The following IL16 variants were observed in gnomAD, a reference collection of about 807,000 sequenced individuals.
IL16 encodes pro-interleukin-16.
In IL16, 67 loss-of-function variants were observed where a neutral mutation model predicts 110.1. The observed-to-expected ratio is 0.61, with a 90% CI of 0.50 to 0.75. The LOEUF (loss-of-function observed/expected upper bound fraction) is 0.75, where lower values mean the gene tolerates loss of function less well. Among genes scored for constraint, IL16 ranks in the 30% least tolerant of loss-of-function variants. The pLI is 0.00. For missense variants in IL16, 1,545 were observed against 1,655.0 expected, an observed-to-expected ratio of 0.93 and a Z score of 1.15; for synonymous variants, 689 against 662.9, an observed-to-expected ratio of 1.04 and a Z score of -0.61.
At chr15:81,265,580 G>T in intron 3 of IL16, 79 bp from the exon 4 acceptor site, 1 of 1,508,486 alleles carries the variant, frequency 6.6e-7, no homozygotes, top group Non-Finnish European at 9.1e-7. Context: ...GGCTAATGAG[G>T]GGCTGATATT....
intron 12 of IL16, 90 bp from the exon 13 acceptor site, chr15:81,296,838 C>A: frequency 8.4e-7 from 1 of 1,183,512 alleles, no homozygotes; most frequent in Non-Finnish European, 1.2e-6. Context: ...GCTCAATATC[C>A]GTTTTTCCGT....
In IL16 at chr15:81,282,990, G is replaced by A. The variant is rs542486972; in HGVS notation, c.1199+234G>A. On this transcript the variant is annotated intron_variant, in intron 9 of 18. Coordinates refer to ENST00000683961, the MANE Select transcript of IL16 (RefSeq NM_172217.5). Reference sequence around the variant, plus strand: ...AGATGCATTTGCAATCTGGCTCAGAGGGAGGGAGTGAGGCTTTGCACCCCA... The same window carrying A: ...AGATGCATTTGCAATCTGGCTCAGAAGGAGGGAGTGAGGCTTTGCACCCCA... Among the ~76,000 whole-genome samples, 4 of 152,312 alleles carry A rather than the reference G, an allele frequency of 2.6e-5. No homozygotes were observed. In the East Asian group the frequency reaches 7.7e-4, roughly 29 times the overall value.
chr15:81,272,552 C>G (rs1461049157), intron 5 of IL16, among the ~76,000 whole-genome samples: 1 of 152,188 alleles, frequency 6.6e-6, no homozygotes, highest in Non-Finnish European at 1.5e-5. Flanking sequence ...GGAGGGAGAG[C>G]ACGTGATTGG....
At chr15:81,219,912 C>A (rs1225873406) in intron 1 of IL16, among the ~76,000 whole-genome samples, 1 of 152,166 alleles carries the variant, frequency 6.6e-6, no homozygotes, top group East Asian at 1.9e-4. Flanking sequence ...CCCATCAAAG[C>A]TTTGGGGACA....
At chr15:81,195,912 A>G (rs1464838655), upstream of IL16, among the ~76,000 whole-genome samples, 1 of 152,028 alleles carries the variant, frequency 6.6e-6, no homozygotes, top group African/African-American at 2.4e-5. Context: ...CATGACACTA[A>G]TGCCAACAGG....
chr15:81,233,659 A>G (rs111953683), intron 2 of IL16, among the ~76,000 whole-genome samples: 2 of 152,120 alleles, frequency 1.3e-5, no homozygotes, highest in African/African-American at 4.8e-5. Flanking sequence ...ATGTGTATGC[A>G]TATATATATC....
chr15:81,290,579 C>A, intron 11 of IL16, 39 bp downstream of exon 11: 1 of 1,397,058 alleles, frequency 7.2e-7, no homozygotes, highest in Non-Finnish European at 1.0e-6. Flanking sequence ...AATATCTTTG[C>A]CTTCTTAGAA....
At chr15:81,213,179 A>G (rs1363020509) in intron 1 of IL16, among the ~76,000 whole-genome samples, 2 of 152,154 alleles carry the variant, frequency 1.3e-5, no homozygotes, top group Admixed American at 6.5e-5. Flanking sequence ...TTTAATTTCC[A>G]TGCATTTATG....
At chr15:81,267,608 A>G (rs1356171674) in intron 4 of IL16, among the ~76,000 whole-genome samples, 1 of 152,154 alleles carries the variant, frequency 6.6e-6, no homozygotes, top group East Asian at 1.9e-4. Context: ...CTGGAGACCC[A>G]GGGAAGCCTA....
chr15:81,215,941 G>A (rs1024889802), intron 1 of IL16, among the ~76,000 whole-genome samples: 3 of 152,230 alleles, frequency 2.0e-5, no homozygotes, highest in African/African-American at 7.2e-5. Flanking sequence ...AAGTACTCAG[G>A]TGGAGCAATG....
intron 1 of IL16, among the ~76,000 whole-genome samples, chr15:81,204,656 G>A (rs1372456905): frequency 6.6e-6 from 1 of 151,870 alleles, no homozygotes; most frequent in Non-Finnish European, 1.5e-5. Context: ...GTTAATGGGT[G>A]CAGCACATCA....
At position 81,303,392 on chromosome 15, in the gene IL16, T is replaced by G. The variant is rs985544788; in HGVS notation, c.3319-157T>G. The G allele has an allele frequency of 1.6e-6, 1 of 612,396 alleles. No individual in the cohort carries two copies. The highest frequency in any genetic ancestry group is 1.8e-5 in the African/African-American group (1 of 54,306). 37.9% of individuals were successfully genotyped at this position (612,396 alleles called of 1,614,324 possible). A position where few individuals can be genotyped will look rare whatever the true frequency, so the allele number is the denominator to read the frequency against. Reference sequence around the variant, plus strand: ...TCCCATGACTCCTGAAGGTCCATTCTTTACAGATGAGGAAACTGAGGTTTG... The same window carrying G: ...TCCCATGACTCCTGAAGGTCCATTCGTTACAGATGAGGAAACTGAGGTTTG... On this transcript the variant is annotated intron_variant, in intron 15 of 18. Transcript: ENST00000683961. The surrounding 1 kb of genome is among the most constrained non-coding windows in gnomAD (Gnocchi z 4.1).
At chr15:81,277,439 C>A (rs1898963552) in intron 6 of IL16, among the ~76,000 whole-genome samples, 1 of 151,452 alleles carries the variant, frequency 6.6e-6, no homozygotes, top group East Asian at 1.9e-4. Flanking sequence ...AAAAAGAAAT[C>A]TTTTCTTTCC....
At position 81,293,046 on chromosome 15, in the gene IL16, A is replaced by T. The variant is rs1280123662; in HGVS notation, c.1902+9A>T. On this transcript the variant is annotated intron_variant, in intron 12 of 18. Transcript: ENST00000683961. The stretch of plus-strand genomic sequence containing the variant: ...CACCCACCTGTGGCCAGGTAAGAGG[A>T]TGGGTCCACAGGTTGAGTGTTTCCA... 1.3e-6 allele frequency: 2 copies of T among 1,599,358 alleles called. No homozygotes were observed. Among genetic ancestry groups the T allele is most frequent in the South Asian group, 1.1e-5 (1 of 90,860 alleles).
At chr15:81,243,122 G>T in intron 2 of IL16, among the ~76,000 whole-genome samples, 3 of 90,046 alleles carry the variant, frequency 3.3e-5, no homozygotes, top group Admixed American at 1.4e-4. Context: ...CTAACATTTT[G>T]CTTATATATT....
At chr15:81,278,740 G>A in intron 6 of IL16, 77 bp from the exon 7 acceptor site, 1 of 958,434 alleles carries the variant, frequency 1.0e-6, no homozygotes. Flanking sequence ...CAGTTGGGGA[G>A]ACTAGAGTTA....
upstream of IL16, among the ~76,000 whole-genome samples, chr15:81,196,516 A>T (rs1355472147): frequency 6.6e-6 from 1 of 152,062 alleles, no homozygotes; most frequent in East Asian, 1.9e-4. Context: ...AGTAGCTGGG[A>T]TTATAGGCAC....
chr15:81,200,925 A>C (rs913804705), intron 1 of IL16, among the ~76,000 whole-genome samples: 14 of 152,288 alleles, frequency 9.2e-5, no homozygotes, highest in African/African-American at 3.1e-4. Flanking sequence ...GGGTTGGAGA[A>C]GGTGGACAGG....
chr15:81,235,323 G>A (rs78091424), intron 2 of IL16, among the ~76,000 whole-genome samples: 11 of 152,258 alleles, frequency 7.2e-5, no homozygotes, highest in South Asian at 2.1e-4. Context: ...CTTCTGGTGA[G>A]GTCTCAGGAA....
Sources: allele counts gnomAD v4.1 joint callset (sites outside exome capture counted in the v4.1 genomes callset), GRCh38; gene constraint gnomAD v4.1.1; non-coding constraint Gnocchi (gnomAD v3.1); transcripts MANE v1.5; gene names NCBI Gene and HGNC (gene_info 2026-07-23, HGNC 2026-07-21).